PCDHA1: variants seen among roughly 807,000 people sequenced by gnomAD.
The protein encoded by PCDHA1 is protocadherin alpha-1.
Under a neutral mutation model 61.3 loss-of-function variants are expected in PCDHA1, and 42 were observed. The observed-to-expected ratio is 0.69, with a 90% CI of 0.54 to 0.89. The LOEUF is 0.89. Among genes scored for constraint, PCDHA1 ranks in the 40% least tolerant of loss-of-function variants. The pLI is 0.00. For synonymous variants in PCDHA1, 610 were observed against 553.8 expected (o/e 1.10, Z -1.43); for missense variants, 1,256 against 1,235.3 (o/e 1.02, Z -0.25).
rs375716587 is a variant in PCDHA1 at position 140,871,025 on chromosome 5, C to T, written c.2394+82341C>T. ...ACGCGTGCCCTGGACGAGGCAGACT[C>T]GCCGCGCCACCGACTTCTAGTACTG... On this transcript the variant is annotated intron_variant, in intron 1 of 3. Transcript: ENST00000504120. 13 of 1,613,228 alleles carry T rather than the reference C, an allele frequency of 8.1e-6. No homozygotes were observed. Among genetic ancestry groups the T allele is most frequent in the Admixed American group, 1.7e-5 (1 of 60,010 alleles).
intron 3 of PCDHA1, among the ~76,000 whole-genome samples, chr5:141,004,397 GA>G (rs2098164833): frequency 6.6e-6 from 1 of 152,188 alleles, no homozygotes; most frequent in African/African-American, 2.4e-5. Context: ...ACATGTGGAG[GA>G]GGCACCTGAC....
intron 1 of PCDHA1, chr5:140,834,432 T>A (rs2150217756): frequency 6.2e-7 from 1 of 1,613,886 alleles, no homozygotes; most frequent in South Asian, 1.1e-5. Context: ...TCTACTGCTG[T>A]TTATTATAAT....
chr5:140,858,415 T>C lies in PCDHA1; in HGVS notation c.2394+69731T>C. Reference sequence around the variant, plus strand: ...ATGTGGACGGGGAAGATCAGTCTATTGGAGGGGACCACTCTAGGAAGGTGG... The same window carrying C: ...ATGTGGACGGGGAAGATCAGTCTATCGGAGGGGACCACTCTAGGAAGGTGG... On this transcript the variant is annotated intron_variant, in intron 1 of 3. Transcript: ENST00000504120. 1.9e-6 allele frequency: 3 copies of C among 1,561,830 alleles called. 1 individual carries two copies. The highest frequency in any genetic ancestry group is 2.6e-6 in the Non-Finnish European group (3 of 1,145,536).
intron 1 of PCDHA1, among the ~76,000 whole-genome samples, chr5:140,793,635 T>C (rs1290530125): frequency 3.2e-4 from 48 of 152,368 alleles, no homozygotes; most frequent in Non-Finnish European, 2.9e-5. Context: ...CCCTTTATTA[T>C]GGATTTTGTA....
At position 140,852,209 on chromosome 5, in the gene PCDHA1, A is replaced by AATTTTTATTTT. The variant is rs1554145712; in HGVS notation, c.2394+63526_2394+63527insTTTTTATTTTA. The AATTTTTATTTT allele has an allele frequency of 1.2e-5, 8 of 650,776 alleles. No homozygotes were observed. The East Asian group carries it at 1.1e-3, about 87-fold the overall frequency. 40.3% of individuals were successfully genotyped at this position (650,776 alleles called of 1,614,324 possible). ...AATGCCAGTAACGTTTATTTAAAAC[A>AATTTTTATTTT]AAATATTTTAATTTTTAAATTTTCC... is the stretch of plus-strand genomic sequence containing the variant. On this transcript the variant is annotated intron_variant, in intron 1 of 3. Coordinates refer to ENST00000504120, the MANE Select transcript of PCDHA1 (RefSeq NM_018900.4).
intron 1 of PCDHA1, among the ~76,000 whole-genome samples, chr5:140,934,942 A>G (rs146210062): frequency 2.5e-3 from 376 of 152,312 alleles, no homozygotes; most frequent in African/African-American, 8.6e-3. Flanking sequence ...AAACTAGTAT[A>G]GAGAGATCCC....
In PCDHA1 at chr5:141,010,024, T is replaced by A; in HGVS notation, c.*87T>A. 7.6e-6 allele frequency: 12 copies of A among 1,572,358 alleles called. No individual in the cohort carries two copies. Among genetic ancestry groups the A allele is most frequent in the Non-Finnish European group, 1.0e-5 (12 of 1,163,296 alleles). On this transcript the variant is annotated 3_prime_UTR_variant, in exon 4 of 4. Coordinates refer to ENST00000504120, the MANE Select transcript of PCDHA1 (RefSeq NM_018900.4). ...GTAGCAATTCCCTGCTCCTTTTTCC[T>A]ATCTACATGAGCCCTCTTAGAGACC...
chr5:140,929,170 C>T, intron 1 of PCDHA1: 4 of 1,614,134 alleles, frequency 2.5e-6, no homozygotes, highest in Non-Finnish European at 3.4e-6. Flanking sequence ...TCGGGCCTCT[C>T]TGGGACTTGG....
rs116743674 is a variant in PCDHA1, at chr5:140,927,144, A to G, written c.2395-51805A>G. On this transcript the variant is annotated intron_variant, in intron 1 of 3. Transcript: ENST00000504120. ...TGGTCAGAGAGCCGGCGGACCGCGA[A>G]CAGCTGTGCAGGGCCAAAGCTGCCT... 3.2e-3 allele frequency: 5,191 copies of G among 1,614,096 alleles called. 26 individuals are homozygous for G. The highest frequency in any genetic ancestry group is 0.019 in the African/African-American group (1,449 of 75,034).
chr5:140,929,082 G>A, intron 1 of PCDHA1: 2 of 1,614,216 alleles, frequency 1.2e-6, no homozygotes, highest in South Asian at 1.1e-5. Flanking sequence ...ATGGAAGTAA[G>A]ATGGTTTCAA....
chr5:140,821,837 C>A, intron 1 of PCDHA1: 3 of 1,614,154 alleles, frequency 1.9e-6, no homozygotes, highest in Non-Finnish European at 8.5e-7. Flanking sequence ...CTTCTCCTTG[C>A]CTACTGGAAG....
intron 1 of PCDHA1, chr5:140,835,840 A>G (rs1773975700): frequency 6.2e-7 from 1 of 1,612,274 alleles, no homozygotes; most frequent in Non-Finnish European, 8.5e-7. Flanking sequence ...GACGCGCAGA[A>G]GAACGCGCTG....
chr5:140,901,286 C>T (rs1681382612), intron 1 of PCDHA1, among the ~76,000 whole-genome samples: 1 of 151,988 alleles, frequency 6.6e-6, no homozygotes. Flanking sequence ...AAATTTTTGC[C>T]CAGACTGATG....
intron 1 of PCDHA1, among the ~76,000 whole-genome samples, chr5:140,973,344 A>G (rs1389229715): frequency 1.3e-5 from 2 of 152,258 alleles, no homozygotes; most frequent in African/African-American, 2.4e-5. Flanking sequence ...AAAGTGACAT[A>G]GTAGTGAATT....
At chr5:140,983,588 C>T (rs530448589) in intron 3 of PCDHA1, among the ~76,000 whole-genome samples, 2 of 152,270 alleles carry the variant, frequency 1.3e-5, no homozygotes, top group East Asian at 3.9e-4. Flanking sequence ...TACATCTATT[C>T]TACATATGAG....
chr5:140,939,034 A>T (rs1367274051), intron 1 of PCDHA1, among the ~76,000 whole-genome samples: 1 of 152,216 alleles, frequency 6.6e-6, no homozygotes, highest in Non-Finnish European at 1.5e-5. Context: ...TATTCGGAAG[A>T]GTTGTCTTAG....
At chr5:140,873,452 C>G (rs147398020) in intron 1 of PCDHA1, among the ~76,000 whole-genome samples, 1 of 152,006 alleles carries the variant, frequency 6.6e-6, no homozygotes, top group South Asian at 2.1e-4. Context: ...AACAAATTTG[C>G]ATTTTAGATA....
rs965761415 is a variant in PCDHA1, at chr5:140,845,214, T to C, written c.2394+56530T>C. 9.4e-5 allele frequency among the ~76,000 whole-genome samples: 14 copies of C among 149,518 alleles called. 1 individual carries two copies. The highest frequency in any genetic ancestry group is 1.3e-4 in the Non-Finnish European group (9 of 66,830). On this transcript the variant is annotated intron_variant, in intron 1 of 3. Coordinates refer to ENST00000504120, the MANE Select transcript of PCDHA1 (RefSeq NM_018900.4). ...ATGATTGTTTTCATTTAAGTCCTTT[T>C]AAAAAATATGATTATCTTTATTATC... is the stretch of plus-strand genomic sequence containing the variant.
intron 1 of PCDHA1, chr5:140,822,334 G>C: frequency 6.2e-7 from 1 of 1,614,120 alleles, no homozygotes; most frequent in Non-Finnish European, 8.5e-7. Flanking sequence ...AAATGAAGAA[G>C]AAACGAACTT....
Sources: gnomAD v4.1 joint callset for allele counts (sites outside exome capture counted in the v4.1 genomes callset) on GRCh38, gnomAD v4.1.1 for gene constraint, MANE v1.5 for transcripts, NCBI Gene and HGNC (gene_info 2026-07-23, HGNC 2026-07-21) for gene names.